Variants in GRB10 observed in about 807,000 individuals in gnomAD.
The protein encoded by GRB10 is growth factor receptor bound protein 10.
Under a neutral mutation model 80.9 loss-of-function variants are expected in GRB10, and 20 were observed. The observed-to-expected ratio is 0.25, with a 90% confidence interval of 0.17 to 0.36. The LOEUF (loss-of-function observed/expected upper bound fraction) is 0.36, where lower values mean the gene tolerates loss of function less well. GRB10 is among the 10% of genes least tolerant of loss of function. GRB10 has a pLI of 1.00. For synonymous variants in GRB10, 291 were observed against 291.5 expected, an observed-to-expected ratio of 1.00 and a Z score of 0.02; for missense variants, 548 against 747.7, an observed-to-expected ratio of 0.73 and a Z score of 3.12.
At chr7:50,779,877 A>C (rs2078099322) in intron 2 of GRB10, 1 of 152,226 alleles carries the variant, frequency 6.6e-6, no homozygotes, top group South Asian at 2.1e-4. Flanking sequence ...AGCCTGAGGC[A>C]TCTAGAGTTC....
chr7:50,765,630 C>A (rs1398696274), intron 2 of GRB10, among the ~76,000 whole-genome samples: 1 of 152,084 alleles, frequency 6.6e-6, no homozygotes, highest in African/African-American at 2.4e-5. Flanking sequence ...TTACCAGAGA[C>A]AGGGAAGAGT....
At chr7:50,675,927 T>C (rs1051738660) in intron 5 of GRB10, among the ~76,000 whole-genome samples, 3 of 152,232 alleles carry the variant, frequency 2.0e-5, no homozygotes, top group African/African-American at 7.2e-5. Flanking sequence ...AAAACATTCT[T>C]GCATCCATAC....
intron 15 of GRB10, chr7:50,604,787 C>T (rs1489624593): frequency 2.9e-6 from 1 of 339,082 alleles, no homozygotes; most frequent in African/African-American, 2.1e-5. Context: ...CAGAAAATGC[C>T]AGAGTCCAGG....
At chr7:50,764,318 T>C (rs962418078) in intron 2 of GRB10, among the ~76,000 whole-genome samples, 1 of 152,246 alleles carries the variant, frequency 6.6e-6, no homozygotes, top group Non-Finnish European at 1.5e-5. Context: ...TTGCTAGTGC[T>C]GTTCTTCTTC....
intron 12 of GRB10, 47 bp from the exon 13 acceptor site, chr7:50,612,886 G>A: frequency 2.3e-6 from 3 of 1,289,324 alleles, no homozygotes; most frequent in Non-Finnish European, 3.4e-6. Context: ...CAGGGAGTCA[G>A]AAACAGCTTC....
chr7:50,792,241 T>TC (rs1165580236), intron 1 of GRB10, among the ~76,000 whole-genome samples: 2 of 146,404 alleles, frequency 1.4e-5, no homozygotes, highest in Non-Finnish European at 1.5e-5. Context: ...CTTTCCCCCC[T>TC]CCCCCCCATC....
chr7:50,629,243 A>T (rs2053552505), intron 7 of GRB10, among the ~76,000 whole-genome samples: 1 of 151,916 alleles, frequency 6.6e-6, no homozygotes, highest in South Asian at 2.1e-4. Context: ...CAAATCAGCC[A>T]TGCCAATGGT....
chr7:50,615,257 G>A (rs1488209323), intron 11 of GRB10, among the ~76,000 whole-genome samples: 2 of 152,318 alleles, frequency 1.3e-5, no homozygotes, highest in South Asian at 2.1e-4. Context: ...GAGTCCAACC[G>A]TACTTTGGGT....
intron 4 of GRB10, among the ~76,000 whole-genome samples, chr7:50,728,391 G>T (rs541546065): frequency 8.5e-5 from 13 of 152,234 alleles, no homozygotes; most frequent in South Asian, 4.2e-4. Flanking sequence ...ACTGCCAAAA[G>T]ATTAAGGAAT....
intron 3 of GRB10, among the ~76,000 whole-genome samples, chr7:50,748,326 T>C (rs750846393): frequency 8.9e-4 from 135 of 152,322 alleles, no homozygotes; most frequent in Admixed American, 7.2e-4. Context: ...AGTGCACACC[T>C]ACCTGCTATA....
chr7:50,693,004 G>A (rs1156838653), intron 5 of GRB10, among the ~76,000 whole-genome samples: 2 of 152,118 alleles, frequency 1.3e-5, no homozygotes, highest in Admixed American at 1.3e-4. Flanking sequence ...GGAGGTTCTA[G>A]CACAGGCCTC....
intron 2 of GRB10, among the ~76,000 whole-genome samples, chr7:50,780,110 T>C (rs1003697240): frequency 2.6e-5 from 4 of 152,106 alleles, no homozygotes; most frequent in Non-Finnish European, 5.9e-5. Flanking sequence ...ACAAAGCCCA[T>C]TCCACATGAA....
chr7:50,674,200 T>C (rs2060650044), intron 6 of GRB10, among the ~76,000 whole-genome samples: 1 of 152,222 alleles, frequency 6.6e-6, no homozygotes, highest in African/African-American at 2.4e-5. Flanking sequence ...GCCTTGCACA[T>C]AGCAGGCACT....
At chr7:50,664,216 C>A (rs2059566987) in intron 7 of GRB10, among the ~76,000 whole-genome samples, 2 of 152,220 alleles carry the variant, frequency 1.3e-5, no homozygotes, top group South Asian at 4.1e-4. Context: ...AATGCAGGAA[C>A]CGAGAAGGCC....
At chr7:50,628,827 A>G (rs2053482058) in intron 7 of GRB10, among the ~76,000 whole-genome samples, 1 of 152,184 alleles carries the variant, frequency 6.6e-6, no homozygotes, top group South Asian at 2.1e-4. Context: ...TCCAGAATTT[A>G]TGTGTCACTC....
chr7:50,714,751 C>T (rs2066575018), intron 4 of GRB10, among the ~76,000 whole-genome samples: 1 of 152,066 alleles, frequency 6.6e-6, no homozygotes, highest in Non-Finnish European at 1.5e-5. Context: ...GCACTGAACC[C>T]AACTTCTTCA....
Position 50,595,602 on chromosome 7 carries a change from T to TATACACACACAC in GRB10, c.1545-73_1545-72insGTGTGTGTGTAT, listed in dbSNP as rs368289956. The TATACACACACAC allele has an allele frequency of 3.4e-5, 19 of 561,434 alleles. No homozygotes were observed. The African/African-American group carries it at 3.7e-4, about 11-fold the overall frequency. The allele number at this position is 561,434 out of a possible 1,614,324, so 34.8% of individuals were successfully genotyped here. A position where few individuals can be genotyped will look rare whatever the true frequency, so the allele number is the denominator to read the frequency against. ...AACTAATCACACACACACACTCTCT[T>TATACACACACAC]ACACACACACACACACACACACACA... is the stretch of plus-strand genomic sequence containing the variant. On this transcript the variant is annotated intron_variant, in intron 17 of 18. Coordinates refer to ENST00000401949, the MANE Select transcript of GRB10 (RefSeq NM_001350814.2).
chr7:50,598,624 G>A (rs1214767993), intron 17 of GRB10, among the ~76,000 whole-genome samples: 1 of 152,192 alleles, frequency 6.6e-6, no homozygotes, highest in African/African-American at 2.4e-5. Flanking sequence ...ACAATGATAA[G>A]GGAAGTGACA....
At chr7:50,704,288 T>C (rs2064704262) in intron 4 of GRB10, among the ~76,000 whole-genome samples, 1 of 152,218 alleles carries the variant, frequency 6.6e-6, no homozygotes, top group Non-Finnish European at 1.5e-5. Context: ...GGGCGTTCTA[T>C]TACCTGGGAC....
Sources: allele counts gnomAD v4.1 joint callset (sites outside exome capture counted in the v4.1 genomes callset), GRCh38; gene constraint gnomAD v4.1.1; transcripts MANE v1.5; gene names NCBI Gene and HGNC (gene_info 2026-07-23, HGNC 2026-07-21).